Variants in SLC25A21 observed in about 807,000 individuals in gnomAD.
SLC25A21 encodes the protein solute carrier family 25 member 21, also known as mitochondrial 2-oxodicarboxylate carrier.
SLC25A21 carries 47 observed loss-of-function variants against 43.8 expected under a neutral mutation model. The observed-to-expected ratio is 1.07, with a 90% confidence interval of 0.85 to 1.37. The LOEUF is 1.37. SLC25A21 is among the 40% of genes most tolerant of loss of function. SLC25A21 has a pLI of 0.00. For missense variants in SLC25A21, 352 were observed against 350.2 expected, an observed-to-expected ratio of 1.00 and a Z score of -0.04; for synonymous variants, 131 against 121.3, an observed-to-expected ratio of 1.08 and a Z score of -0.52.
chr14:36,851,427 G>A (rs909016), intron 2 of SLC25A21, among the ~76,000 whole-genome samples: 11,212 of 152,118 alleles, frequency 0.074, 590 homozygotes, highest in East Asian at 0.21. Context: ...CAAGAATTTA[G>A]GAACCCAGAA....
chr14:36,840,915 G>A (rs1487946070), intron 2 of SLC25A21, among the ~76,000 whole-genome samples: 1 of 152,210 alleles, frequency 6.6e-6, no homozygotes, highest in Non-Finnish European at 1.5e-5. Flanking sequence ...ACTTAGCTCT[G>A]TAACCAAGAA....
In SLC25A21 at chr14:36,981,005, A is replaced by C. The variant is rs201142114; in HGVS notation, c.71-106001T>G. ...AAGTTTACAAGAAAAAATCAAACAAACCCATCAAAAAGTGGGCAAAGTATA... is the reference window on the plus strand; with the variant it reads ...AAGTTTACAAGAAAAAATCAAACAACCCCATCAAAAAGTGGGCAAAGTATA... On this transcript the variant is annotated intron_variant, in intron 1 of 9. Transcript: ENST00000331299. 0.018 allele frequency among the ~76,000 whole-genome samples: 2,790 copies of C among 151,686 alleles called. 168 individuals are homozygous for C. In the East Asian group the frequency reaches 0.24, roughly 13 times the overall value.
intron 5 of SLC25A21, among the ~76,000 whole-genome samples, chr14:36,725,928 G>A (rs1191504201): frequency 4.6e-5 from 7 of 152,236 alleles, no homozygotes; most frequent in South Asian, 2.1e-4. Flanking sequence ...CATCAACAAC[G>A]ACTCTTTCCT....
chr14:36,726,569 C>T (rs963007011), intron 5 of SLC25A21, among the ~76,000 whole-genome samples: 7 of 152,184 alleles, frequency 4.6e-5, no homozygotes, highest in Admixed American at 3.9e-4. Context: ...ATGTCAAGTT[C>T]TTATTCGCTA....
chr14:36,933,373 A>C (rs1161863919), intron 1 of SLC25A21, among the ~76,000 whole-genome samples: 2 of 152,122 alleles, frequency 1.3e-5, no homozygotes, highest in Non-Finnish European at 2.9e-5. Context: ...AGGCTATGCT[A>C]CCAGGTCTCC....
intron 1 of SLC25A21, among the ~76,000 whole-genome samples, chr14:36,992,219 G>C (rs936315987): frequency 1.3e-5 from 2 of 152,094 alleles, no homozygotes; most frequent in Non-Finnish European, 2.9e-5. Flanking sequence ...GGACAGATTA[G>C]AGATGTCATA....
At chr14:37,168,260 A>T (rs759271416) in intron 1 of SLC25A21, among the ~76,000 whole-genome samples, 3 of 151,404 alleles carry the variant, frequency 2.0e-5, no homozygotes, top group Non-Finnish European at 4.4e-5. Context: ...GGTTTCTCTG[A>T]CTCTCTCATT....
chr14:36,909,758 G>A (rs1459491365), intron 1 of SLC25A21, among the ~76,000 whole-genome samples: 1 of 152,182 alleles, frequency 6.6e-6, no homozygotes, highest in Non-Finnish European at 1.5e-5. Context: ...AAATCTGCCA[G>A]TGCATCTCTG....
intron 3 of SLC25A21, among the ~76,000 whole-genome samples, chr14:36,808,380 G>A (rs2138433317): frequency 6.6e-6 from 1 of 152,294 alleles, no homozygotes; most frequent in East Asian, 1.9e-4. Context: ...GCTTTGTAGT[G>A]CTGCCTCAGA....
At chr14:37,064,323 T>C (rs1962013086) in intron 1 of SLC25A21, among the ~76,000 whole-genome samples, 1 of 152,116 alleles carries the variant, frequency 6.6e-6, no homozygotes, top group African/African-American at 2.4e-5. Context: ...CTGAGCCAAC[T>C]ACCCATATCC....
intron 1 of SLC25A21, among the ~76,000 whole-genome samples, chr14:37,140,450 T>C (rs908141214): frequency 9.9e-5 from 15 of 152,212 alleles, no homozygotes; most frequent in African/African-American, 3.6e-4. Flanking sequence ...CTGGCTCTGC[T>C]GAACTGCCTA....
intron 1 of SLC25A21, among the ~76,000 whole-genome samples, chr14:36,889,987 A>G (rs1891032347): frequency 6.6e-6 from 1 of 152,154 alleles, no homozygotes; most frequent in African/African-American, 2.4e-5. Flanking sequence ...GACAGTTTTC[A>G]TTCAACACAT....
chr14:36,749,829 A>G (rs1438621369), intron 3 of SLC25A21, among the ~76,000 whole-genome samples: 1 of 152,044 alleles, frequency 6.6e-6, no homozygotes, highest in African/African-American at 2.4e-5. Context: ...CCTTTATTCT[A>G]TTTAATGTTG....
chr14:36,817,894 C>T (rs1888507819), intron 2 of SLC25A21, among the ~76,000 whole-genome samples: 1 of 152,220 alleles, frequency 6.6e-6, no homozygotes, highest in Non-Finnish European at 1.5e-5. Flanking sequence ...AGTCTAGGCA[C>T]TTCACTCACT....
chr14:36,727,215 A>T (rs1031099870), intron 5 of SLC25A21, among the ~76,000 whole-genome samples: 2 of 152,246 alleles, frequency 1.3e-5, no homozygotes, highest in Non-Finnish European at 2.9e-5. Context: ...CATGGGTGCT[A>T]GTTGTGGCTC....
chr14:37,128,804 G>T (rs897726997), intron 1 of SLC25A21, among the ~76,000 whole-genome samples: 4 of 151,908 alleles, frequency 2.6e-5, no homozygotes, highest in Non-Finnish European at 4.4e-5. Context: ...GCCCAGGCTG[G>T]TCTCAAATTG....
chr14:36,692,783 C>T (rs1329213867), intron 7 of SLC25A21, among the ~76,000 whole-genome samples: 2 of 152,180 alleles, frequency 1.3e-5, no homozygotes, highest in Non-Finnish European at 2.9e-5. Flanking sequence ...AGCAATAGGG[C>T]TTTTCATTTA....
At position 36,680,395 on chromosome 14, in the gene SLC25A21, T is replaced by A; in HGVS notation, c.*263A>T. ...CTATTTATTTTATGAAATAAATATA[T>A]GATTTCTATGCTATTTTTCTATATT... On this transcript the variant is annotated 3_prime_UTR_variant, in exon 10 of 10. Coordinates refer to ENST00000331299, the MANE Select transcript of SLC25A21 (RefSeq NM_030631.4). 9.3e-7 allele frequency: 1 copy of A among 1,080,930 alleles called. No homozygotes were observed. The highest frequency in any genetic ancestry group is 1.6e-5 in the African/African-American group (1 of 60,860). The allele number at this position is 1,080,930 out of a possible 1,614,324, so 67.0% of individuals were successfully genotyped here.
At chr14:36,980,620 C>T in intron 1 of SLC25A21, among the ~76,000 whole-genome samples, 1 of 152,186 alleles carries the variant, frequency 6.6e-6, no homozygotes, top group Non-Finnish European at 1.5e-5. Flanking sequence ...CTTCTCTATG[C>T]TGTTTACTCT....
Sources: gnomAD v4.1 joint callset for allele counts (sites outside exome capture counted in the v4.1 genomes callset) on GRCh38, gnomAD v4.1.1 for gene constraint, MANE v1.5 for transcripts, NCBI Gene and HGNC (gene_info 2026-07-23, HGNC 2026-07-21) for gene names.